Variants in PTPRD observed in about 807,000 individuals in gnomAD.
The protein encoded by PTPRD is protein tyrosine phosphatase receptor type D, also known as receptor-type tyrosine-protein phosphatase delta.
Under a neutral mutation model 214.5 loss-of-function variants are expected in PTPRD, and 34 were observed. The observed-to-expected ratio is 0.16, with a 90% CI of 0.12 to 0.21. PTPRD has a LOEUF of 0.21. Among genes scored for constraint, PTPRD ranks in the 10% least tolerant of loss-of-function variants. The pLI, the probability that PTPRD is intolerant of heterozygous loss-of-function variation, is 1.00. For synonymous variants in PTPRD, 1,128 were observed against 845.7 expected, an observed-to-expected ratio of 1.33 and a Z score of -5.79; for missense variants, 2,545 against 2,398.7, an observed-to-expected ratio of 1.06 and a Z score of -1.27.
chr9:10,109,407 G>T lies in PTPRD; in HGVS notation c.-544-75617C>A, dbSNP rs76228835. ...AAAGCTGTCAAGTTGTTTGCTGTAA[G>T]AAGTAAAATAAAATCGCATGTACTA... On this transcript the variant is annotated intron_variant, in intron 3 of 45. Transcript: ENST00000381196. Among the ~76,000 whole-genome samples, 100 of 152,224 alleles carry T rather than the reference G, an allele frequency of 6.6e-4. 1 individual carries two copies. The East Asian group carries it at 0.017, about 25-fold the overall frequency.
At chr9:10,181,872 G>T (rs2099291817) in intron 3 of PTPRD, among the ~76,000 whole-genome samples, 1 of 132,012 alleles carries the variant, frequency 7.6e-6, no homozygotes, top group Non-Finnish European at 1.6e-5. Context: ...AAAAAAAATA[G>T]TATAAGATAC....
At chr9:9,565,011 A>G (rs1040772577) in intron 8 of PTPRD, among the ~76,000 whole-genome samples, 9 of 148,864 alleles carry the variant, frequency 6.0e-5, no homozygotes, top group Non-Finnish European at 1.0e-4. Flanking sequence ...CCTAGTTTCA[A>G]AATTATCTCA....
chr9:9,887,013 C>A (rs1240603319), intron 5 of PTPRD, among the ~76,000 whole-genome samples: 2 of 152,020 alleles, frequency 1.3e-5, no homozygotes, highest in East Asian at 1.9e-4. Flanking sequence ...CCATGAGAGG[C>A]CATAAACTTG....
intron 4 of PTPRD, among the ~76,000 whole-genome samples, chr9:9,995,992 C>G (rs1019982972): frequency 6.6e-6 from 1 of 151,950 alleles, no homozygotes; most frequent in African/African-American, 2.4e-5. Context: ...TTCTTTTATT[C>G]TACTGTACCA....
At chr9:10,566,830 G>A (rs1013250822) in intron 2 of PTPRD, among the ~76,000 whole-genome samples, 7 of 152,014 alleles carry the variant, frequency 4.6e-5, no homozygotes, top group South Asian at 4.1e-4. Context: ...TCCAGGAACT[G>A]ATTTGAATGT....
rs2138896808 is a variant in PTPRD at position 8,521,464 on chromosome 9, C to T, written c.774G>A (p.Val258=). ...MPGGSVNITC[V]AVGSPMPYVK... Reference sequence around the variant, plus strand: ...CATAAGGCATTGGTGACCCCACGGCCACACAGGTGATATTAACGCTTCCGC... The same window carrying T: ...CATAAGGCATTGGTGACCCCACGGCTACACAGGTGATATTAACGCTTCCGC... Residue 258 remains valine, a synonymous_variant, in exon 20 of 46, where the codon GTG becomes GTA. Coordinates refer to ENST00000381196, the MANE Select transcript of PTPRD (RefSeq NM_002839.4). 6.2e-7 allele frequency: 1 copy of T among 1,613,994 alleles called. No homozygotes were observed. The highest frequency in any genetic ancestry group is 8.5e-7 in the Non-Finnish European group (1 of 1,179,926).
chr9:10,213,960 G>C (rs2099528906), intron 3 of PTPRD, among the ~76,000 whole-genome samples: 1 of 152,030 alleles, frequency 6.6e-6, no homozygotes, highest in Admixed American at 6.6e-5. Flanking sequence ...AATTCTGGCT[G>C]CTGGATCCCT....
At chr9:8,995,465 A>C (rs1438439705) in intron 11 of PTPRD, among the ~76,000 whole-genome samples, 1 of 152,016 alleles carries the variant, frequency 6.6e-6, no homozygotes, top group Non-Finnish European at 1.5e-5. Context: ...CTCTCTTCTT[A>C]TGGAGGTGTT....
chr9:9,623,606 G>A (rs1053841455), intron 7 of PTPRD, among the ~76,000 whole-genome samples: 12 of 152,068 alleles, frequency 7.9e-5, no homozygotes, highest in South Asian at 2.1e-4. Context: ...GTGTCACACC[G>A]TGGGAAATAA....
At chr9:8,566,370 C>T (rs1458272519) in intron 14 of PTPRD, among the ~76,000 whole-genome samples, 2 of 152,098 alleles carry the variant, frequency 1.3e-5, no homozygotes, top group African/African-American at 4.8e-5. Flanking sequence ...TAACAGACAG[C>T]AGACTAGGAT....
At chr9:8,898,343 G>A (rs1250308219) in intron 11 of PTPRD, among the ~76,000 whole-genome samples, 1 of 152,076 alleles carries the variant, frequency 6.6e-6, no homozygotes, top group African/African-American at 2.4e-5. Context: ...TAGAGGGGAA[G>A]GAGAAGAAAA....
intron 9 of PTPRD, among the ~76,000 whole-genome samples, chr9:9,209,134 C>A (rs2099946935): frequency 6.6e-6 from 1 of 152,104 alleles, no homozygotes; most frequent in South Asian, 2.1e-4. Flanking sequence ...AAAGAATATA[C>A]TCCCACCAAT....
chr9:9,050,366 C>A (rs1486976169), intron 10 of PTPRD, among the ~76,000 whole-genome samples: 2 of 152,140 alleles, frequency 1.3e-5, no homozygotes, highest in Non-Finnish European at 2.9e-5. Context: ...AACGATAGGG[C>A]ATGGATTTGA....
At chr9:8,451,078 C>A (rs201871324) in intron 33 of PTPRD, among the ~76,000 whole-genome samples, 1 of 152,254 alleles carries the variant, frequency 6.6e-6, no homozygotes, top group East Asian at 1.9e-4. Context: ...CCAGAGGGCT[C>A]CTGTTAAATA....
intron 3 of PTPRD, among the ~76,000 whole-genome samples, chr9:10,332,536 T>C (rs1216933013): frequency 6.6e-6 from 1 of 151,800 alleles, no homozygotes; most frequent in Non-Finnish European, 1.5e-5. Context: ...GTACACTCTT[T>C]TTAGAAAATA....
chr9:9,968,630 C>T (rs1359654101), intron 4 of PTPRD, among the ~76,000 whole-genome samples: 1 of 152,070 alleles, frequency 6.6e-6, no homozygotes, highest in African/African-American at 2.4e-5. Flanking sequence ...GAAGGGTAGG[C>T]TTCCTGATCA....
intron 2 of PTPRD, among the ~76,000 whole-genome samples, chr9:10,513,578 G>T (rs1469691156): frequency 6.6e-6 from 1 of 152,106 alleles, no homozygotes. Context: ...CTTTTTCTGG[G>T]AACATGGTAA....
intron 2 of PTPRD, among the ~76,000 whole-genome samples, chr9:10,458,304 T>TAG (rs1476445484): frequency 1.3e-5 from 2 of 152,142 alleles, no homozygotes; most frequent in Admixed American, 6.6e-5. Flanking sequence ...CGACAAAATA[T>TAG]TAGCAAATTA....
chr9:10,044,642 A>G (rs2097357016), intron 3 of PTPRD, among the ~76,000 whole-genome samples: 2 of 151,818 alleles, frequency 1.3e-5, no homozygotes. Context: ...GATCATTAAT[A>G]TCATACACAA....
Sources: gnomAD v4.1 joint callset for allele counts (sites outside exome capture counted in the v4.1 genomes callset) on GRCh38, gnomAD v4.1.1 for gene constraint, MANE v1.5 for transcripts, NCBI Gene and HGNC (gene_info 2026-07-23, HGNC 2026-07-21) for gene names.